Variants in PLEKHA6 observed in about 807,000 individuals in gnomAD.
PLEKHA6 encodes the protein pleckstrin homology domain containing A6.
PLEKHA6 carries 60 observed loss-of-function variants against 116.7 expected under a neutral mutation model. The observed-to-expected ratio is 0.51, with a 90% CI of 0.42 to 0.64. The LOEUF (loss-of-function observed/expected upper bound fraction) is 0.64, where lower values mean the gene tolerates loss of function less well. Among genes scored for constraint, PLEKHA6 ranks in the 30% least tolerant of loss-of-function variants. PLEKHA6 has a pLI of 0.00. For missense variants in PLEKHA6, 1,338 were observed against 1,422.7 expected (o/e 0.94, Z 0.96); for synonymous variants, 489 against 556.1 (o/e 0.88, Z 1.70).
chr1:204,271,790 G>A (rs900786400), intron 3 of PLEKHA6, among the ~76,000 whole-genome samples: 12 of 152,198 alleles, frequency 7.9e-5, no homozygotes, highest in African/African-American at 2.9e-4. Flanking sequence ...ATTTAGGGCT[G>A]CACAGAATCA....
intron 1 of PLEKHA6, among the ~76,000 whole-genome samples, chr1:204,358,154 C>T (rs1275098829): frequency 6.6e-6 from 1 of 152,206 alleles, no homozygotes; most frequent in Non-Finnish European, 1.5e-5. Flanking sequence ...ATCACCTCGC[C>T]GCTGATTGGA....
At chr1:204,348,714 A>ACCCCCCCCCCCCCCCCCCCC (rs3038282) in intron 1 of PLEKHA6, among the ~76,000 whole-genome samples, 2 of 136,642 alleles carry the variant, frequency 1.5e-5, no homozygotes, top group African/African-American at 5.8e-5. Context: ...CAGGTGCCAA[A>ACCCCCCCCCCCCCCCCCCCC]CCCCCCCCCC....
chr1:204,294,615 T>C (rs1202784204), intron 1 of PLEKHA6, among the ~76,000 whole-genome samples: 4 of 152,220 alleles, frequency 2.6e-5, no homozygotes, highest in African/African-American at 9.7e-5. Context: ...TTATTTTTAT[T>C]GAGTTGAATC....
intron 1 of PLEKHA6, among the ~76,000 whole-genome samples, chr1:204,342,544 G>A (rs984826231): frequency 9.2e-5 from 14 of 152,194 alleles, no homozygotes; most frequent in Non-Finnish European, 1.6e-4. Flanking sequence ...ATCACCTGGA[G>A]GGCCTTGTTA....
upstream of PLEKHA6, chr1:204,378,108 G>C (rs1673904157): frequency 6.6e-6 from 1 of 152,318 alleles, no homozygotes; most frequent in Admixed American, 6.5e-5. Flanking sequence ...GCAGAAGCTG[G>C]AGCGGGGAGG....
At chr1:204,307,123 A>G (rs1250908134) in intron 1 of PLEKHA6, among the ~76,000 whole-genome samples, 1 of 152,224 alleles carries the variant, frequency 6.6e-6, no homozygotes, top group African/African-American at 2.4e-5. Context: ...AAGAACAGGT[A>G]AAAGATTTGC....
intron 1 of PLEKHA6, among the ~76,000 whole-genome samples, chr1:204,307,638 C>T (rs1671436374): frequency 6.6e-6 from 1 of 152,234 alleles, no homozygotes; most frequent in African/African-American, 2.4e-5. Context: ...ACTCACACCC[C>T]CAGTTCCTCG....
At chr1:204,334,291 T>C (rs1480077899) in intron 1 of PLEKHA6, among the ~76,000 whole-genome samples, 1 of 152,098 alleles carries the variant, frequency 6.6e-6, no homozygotes, top group African/African-American at 2.4e-5. Context: ...CGCAAAGCCT[T>C]TGTATCCTGC....
intron 1 of PLEKHA6, chr1:204,347,043 A>T: frequency 6.9e-7 from 1 of 1,439,496 alleles, no homozygotes; most frequent in Non-Finnish European, 9.7e-7. Flanking sequence ...CAACAATGCC[A>T]ACAGCATGCT....
chr1:204,284,505 C>T (rs1430089227), intron 1 of PLEKHA6, among the ~76,000 whole-genome samples: 1 of 152,142 alleles, frequency 6.6e-6, no homozygotes, highest in Non-Finnish European at 1.5e-5. Context: ...GATATCCCTG[C>T]ACTGCTGCCT....
At chr1:204,295,184 A>G (rs1298605130) in intron 1 of PLEKHA6, among the ~76,000 whole-genome samples, 2 of 152,174 alleles carry the variant, frequency 1.3e-5, no homozygotes, top group Non-Finnish European at 2.9e-5. Context: ...GACAGAAATA[A>G]TTGACTAAGA....
Position 204,259,578 on chromosome 1 carries a change from C to A in PLEKHA6, c.687G>T (p.Lys229Asn), listed in dbSNP as rs755512172. 5 of 1,613,974 alleles carry A rather than the reference C, an allele frequency of 3.1e-6. No homozygotes were observed. Among genetic ancestry groups the A allele is most frequent in the Non-Finnish European group, 4.2e-6 (5 of 1,180,054 alleles). ...AERRPERPEVKKEPPVKANGL... is the reference protein window; with the variant it reads ...AERRPERPEVNKEPPVKANGL... The stretch of plus-strand genomic sequence containing the variant: ...CATTGGCTTTCACCGGAGGCTCTTT[C>A]TTGACTTCTGGCCTCTCAGGCCTTC... The change falls in exon 8 of 23, where the codon AAG becomes AAT. Residue 229 changes from lysine (K) to asparagine (N), a missense_variant. Physicochemically the swap from Lys to Asn is moderately conservative, Grantham distance 94. Transcript: ENST00000272203. This position sits in a 1 kb window ranked among gnomAD's most constrained non-coding sequence, Gnocchi z 4.6.
rs761615025 is a variant in PLEKHA6 at position 204,259,333 on chromosome 1, C to T, written c.932G>A (p.Arg311His). 16 of 1,614,108 alleles carry T rather than the reference C, an allele frequency of 9.9e-6. No homozygotes were observed. The highest frequency in any genetic ancestry group is 7.7e-5 in the South Asian group (7 of 91,090). Residue 311 changes from arginine (R) to histidine (H), a missense_variant, in exon 8 of 23, where the codon CGC becomes CAC. Coordinates refer to ENST00000272203, the MANE Select transcript of PLEKHA6 (RefSeq NM_014935.5). This position sits in a 1 kb window ranked among gnomAD's most constrained non-coding sequence, Gnocchi z 4.6. ...CTGAAGCTGGTTCATGGAGCTCTTGCGCTGGGCAATTTTGTCAGGGTTGGT... is the reference window on the plus strand; with the variant it reads ...CTGAAGCTGGTTCATGGAGCTCTTGTGCTGGGCAATTTTGTCAGGGTTGGT... ...PRTNPDKIAQ[R>H]KSSMNQLQQW...
rs772243417 is a variant in PLEKHA6 at position 204,259,761 on chromosome 1, T to C, written c.525-21A>G. 4 of 1,592,080 alleles carry C rather than the reference T, an allele frequency of 2.5e-6. No individual in the cohort carries two copies. The highest frequency in any genetic ancestry group is 3.4e-5 in the Admixed American group (2 of 59,018). The stretch of plus-strand genomic sequence containing the variant: ...CATGGCTGCAGGATGCCAAGGGAGA[T>C]GCTGTCAGTGACTCTAGCCCAGCAT... On this transcript the variant is annotated intron_variant, in intron 7 of 22. Transcript: ENST00000272203. The surrounding 1 kb of genome is among the most constrained non-coding windows in gnomAD (Gnocchi z 4.6).
chr1:204,250,072 G>A (rs921262963), intron 10 of PLEKHA6, among the ~76,000 whole-genome samples: 4 of 152,120 alleles, frequency 2.6e-5, no homozygotes, highest in Non-Finnish European at 5.9e-5. Flanking sequence ...CATGAATACC[G>A]TGTTGCCACC....
intron 1 of PLEKHA6, among the ~76,000 whole-genome samples, chr1:204,347,581 G>A (rs1673109956): frequency 6.6e-6 from 1 of 151,290 alleles, no homozygotes; most frequent in African/African-American, 2.4e-5. Context: ...CAAGGGTATT[G>A]ATTGGGGAAG....
chr1:204,356,296 G>C (rs1257160225), intron 1 of PLEKHA6, among the ~76,000 whole-genome samples: 2 of 152,336 alleles, frequency 1.3e-5, no homozygotes, highest in East Asian at 1.9e-4. Flanking sequence ...GTAAAGGCCA[G>C]GTGTGGTGGT....
chr1:204,228,272 G>C lies in PLEKHA6; in HGVS notation c.2886-44C>G. ...ACAGAAATGGAGGGAGGGACAGGAT[G>C]GTCCAAGTGGCTTGAGGGGGCCTGC... On this transcript the variant is annotated intron_variant, in intron 20 of 22. Transcript: ENST00000272203. The surrounding 1 kb of genome is among the most constrained non-coding windows in gnomAD (Gnocchi z 4.0). 2.6e-6 allele frequency: 4 copies of C among 1,542,612 alleles called. No individual in the cohort carries two copies. Among genetic ancestry groups the C allele is most frequent in the Non-Finnish European group, 2.6e-6 (3 of 1,139,904 alleles).
At chr1:204,263,687 T>C (rs1036588507) in intron 6 of PLEKHA6, among the ~76,000 whole-genome samples, 1 of 152,104 alleles carries the variant, frequency 6.6e-6, no homozygotes, top group East Asian at 1.9e-4. Flanking sequence ...GGAACGTGTC[T>C]GTGTCTCTGC....
Sources: gnomAD v4.1 joint callset for allele counts (sites outside exome capture counted in the v4.1 genomes callset) on GRCh38, gnomAD v4.1.1 for gene constraint, Gnocchi (gnomAD v3.1) non-coding constraint, MANE v1.5 for transcripts, NCBI Gene and HGNC (gene_info 2026-07-23, HGNC 2026-07-21) for gene names.